Variants in PDE1A observed in about 807,000 individuals in gnomAD.
PDE1A encodes phosphodiesterase 1A, also known as dual specificity calcium/calmodulin-dependent 3',5'-cyclic nucleotide phosphodiesterase 1A.
In PDE1A, 35 loss-of-function variants were observed where a neutral mutation model predicts 61.7. The ratio of observed to expected loss-of-function variants is 0.57; its 90% CI spans 0.43 to 0.75. The LOEUF (loss-of-function observed/expected upper bound fraction) is 0.75. Ranked by LOEUF, PDE1A falls within the 30% of genes least tolerant of loss-of-function variation. PDE1A has a pLI of 0.00. For synonymous variants in PDE1A, 232 were observed against 213.2 expected, an observed-to-expected ratio of 1.09 and a Z score of -0.77; for missense variants, 597 against 630.6, an observed-to-expected ratio of 0.95 and a Z score of 0.57.
intron 1 of PDE1A, among the ~76,000 whole-genome samples, chr2:182,298,392 T>C (rs1210850014): frequency 1.3e-5 from 2 of 152,180 alleles, no homozygotes; most frequent in African/African-American, 2.4e-5. Flanking sequence ...TGGAGTAATA[T>C]GTTGCCTTAT....
At chr2:182,482,638 A>C (rs569320464) in intron 2 of PDE1A, among the ~76,000 whole-genome samples, 4 of 152,146 alleles carry the variant, frequency 2.6e-5, no homozygotes, top group African/African-American at 7.2e-5. Context: ...ATGGAATGTC[A>C]GTTAACAGTA....
At chr2:182,232,918 G>A (rs1239935278) in intron 4 of PDE1A, among the ~76,000 whole-genome samples, 1 of 152,094 alleles carries the variant, frequency 6.6e-6, no homozygotes, top group South Asian at 2.1e-4. Flanking sequence ...GCAGATGCTT[G>A]GCTTTTATGT....
intron 1 of PDE1A, among the ~76,000 whole-genome samples, chr2:182,391,688 G>T (rs1339003665): frequency 1.3e-5 from 2 of 152,174 alleles, no homozygotes; most frequent in Non-Finnish European, 2.9e-5. Context: ...TGAGGTGGCA[G>T]GGGCCAACTG....
the PDE1A span, among the ~76,000 whole-genome samples, chr2:182,570,928 T>C: frequency 6.6e-6 from 1 of 152,174 alleles, no homozygotes; most frequent in African/African-American, 2.4e-5. Flanking sequence ...AATTTCCTCA[T>C]CTGTAAAATG....
At chr2:182,506,543 C>T (rs1243613801) in intron 2 of PDE1A, among the ~76,000 whole-genome samples, 1 of 152,178 alleles carries the variant, frequency 6.6e-6, no homozygotes, top group Non-Finnish European at 1.5e-5. Flanking sequence ...ATCATTTACT[C>T]CTTTGAACTA....
chr2:182,222,667 A>C (rs7567112), intron 7 of PDE1A, among the ~76,000 whole-genome samples: 29,785 of 151,796 alleles, frequency 0.2, 3,094 homozygotes, highest in East Asian at 0.33. Flanking sequence ...AACTCATGCA[A>C]CTCTGTACTT....
At chr2:182,219,824 G>C (rs529022150) in intron 7 of PDE1A, among the ~76,000 whole-genome samples, 24 of 152,018 alleles carry the variant, frequency 1.6e-4, no homozygotes, top group Admixed American at 3.3e-4. Context: ...ATAGCTATGT[G>C]AGATGATGGA....
intron 1 of PDE1A, among the ~76,000 whole-genome samples, chr2:182,281,313 G>A (rs753289): frequency 0.73 from 110,550 of 151,776 alleles, 41,013 homozygotes; most frequent in African/African-American, 0.88. Context: ...CCAGTGGAAA[G>A]AAATGCTAAA....
chr2:182,419,070 GA>G (rs35927091), intron 1 of PDE1A, among the ~76,000 whole-genome samples: 18,281 of 133,286 alleles, frequency 0.14, 1,782 homozygotes, highest in African/African-American at 0.29. Flanking sequence ...CACTAAAAGA[GA>G]AAAAAAAAAA....
At chr2:182,264,498 C>A in intron 1 of PDE1A, 84 bp from the exon 2 acceptor site, 2 of 890,944 alleles carry the variant, frequency 2.2e-6, no homozygotes, top group Non-Finnish European at 1.7e-6. Flanking sequence ...TAAATACACT[C>A]AGTTAAGATT....
chr2:182,688,582 T>C, the PDE1A span, among the ~76,000 whole-genome samples: 39 of 152,200 alleles, frequency 2.6e-4, no homozygotes, highest in African/African-American at 8.4e-4. Flanking sequence ...ACATGCCAAA[T>C]TGTAAAGACC....
intron 7 of PDE1A, among the ~76,000 whole-genome samples, chr2:182,220,937 T>C (rs1688662914): frequency 6.6e-6 from 1 of 152,110 alleles, no homozygotes; most frequent in Admixed American, 6.6e-5. Context: ...TTTTGGTTCA[T>C]GGAATTTTCA....
the PDE1A span, among the ~76,000 whole-genome samples, chr2:182,597,750 G>A: frequency 2.6e-5 from 4 of 152,304 alleles, no homozygotes; most frequent in African/African-American, 9.6e-5. Context: ...AGTCCCCAGG[G>A]AAAATGACGC....
the PDE1A span, among the ~76,000 whole-genome samples, chr2:182,676,100 T>C: frequency 6.6e-6 from 1 of 152,090 alleles, no homozygotes; most frequent in Non-Finnish European, 1.5e-5. Context: ...TACATTTAAG[T>C]CTTTAATTCA....
chr2:182,612,603 T>C, the PDE1A span, among the ~76,000 whole-genome samples: 5 of 152,226 alleles, frequency 3.3e-5, no homozygotes, highest in Non-Finnish European at 7.3e-5. Flanking sequence ...CCAATCTATA[T>C]GTAAATTAAT....
the PDE1A span, among the ~76,000 whole-genome samples, chr2:182,713,985 C>T: frequency 1.3e-5 from 2 of 152,204 alleles, no homozygotes; most frequent in Non-Finnish European, 2.9e-5. Flanking sequence ...AATTGCCAGA[C>T]CTAATTAACA....
chr2:182,390,301 T>C (rs966064400), intron 1 of PDE1A, among the ~76,000 whole-genome samples: 1 of 152,224 alleles, frequency 6.6e-6, no homozygotes, highest in Non-Finnish European at 1.5e-5. Flanking sequence ...TACTAAGGAC[T>C]CTACTTCTAA....
At chr2:182,155,357 G>T (rs530125224) in intron 13 of PDE1A, among the ~76,000 whole-genome samples, 2 of 152,132 alleles carry the variant, frequency 1.3e-5, no homozygotes, top group Admixed American at 1.3e-4. Context: ...CAGTAGTGTT[G>T]GGATTACGGG....
chr2:182,366,868 C>T (rs1699865235), intron 1 of PDE1A, among the ~76,000 whole-genome samples: 1 of 151,998 alleles, frequency 6.6e-6, no homozygotes, highest in Non-Finnish European at 1.5e-5. Flanking sequence ...GATCCTTGAG[C>T]AATCAGAGTG....
Sources: allele counts gnomAD v4.1 joint callset (sites outside exome capture counted in the v4.1 genomes callset), GRCh38; gene constraint gnomAD v4.1.1; transcripts MANE v1.5; gene names NCBI Gene and HGNC (gene_info 2026-07-23, HGNC 2026-07-21).